Variants in UXS1 observed in about 807,000 individuals in gnomAD.
UXS1 encodes the protein UDP-glucuronic acid decarboxylase 1.
A neutral mutation model predicts 62.6 loss-of-function variants in UXS1; 33 were observed. The observed-to-expected ratio is 0.53, with a 90% confidence interval of 0.40 to 0.70. The LOEUF is 0.70. Among genes scored for constraint, UXS1 ranks in the 30% least tolerant of loss-of-function variants. The pLI, the probability that UXS1 is intolerant of heterozygous loss-of-function variation, is 0.00. For synonymous variants in UXS1, 213 were observed against 206.8 expected, an observed-to-expected ratio of 1.03 and a Z score of -0.26; for missense variants, 434 against 556.3, an observed-to-expected ratio of 0.78 and a Z score of 2.21.
At chr2:106,096,660 C>G in intron 14 of UXS1, 58 bp downstream of exon 14, 5 of 1,458,572 alleles carry the variant, frequency 3.4e-6, no homozygotes, top group South Asian at 1.4e-5. Context: ...TACAGGACAG[C>G]AGACACAGGA....
rs1682022333 is a variant in UXS1 at position 106,151,614 on chromosome 2, T to C, written c.292-6244A>G. ...ATAAATTACCCAGTCTGTGGTAATC[T>C]GTTACAGCGGCACAAAACAAACTAA... is the stretch of plus-strand genomic sequence containing the variant. On this transcript the variant is annotated intron_variant, in intron 5 of 14. Coordinates refer to ENST00000283148, the MANE Select transcript of UXS1 (RefSeq NM_001253875.2). Among the ~76,000 whole-genome samples, 4 of 152,208 alleles carry C rather than the reference T, an allele frequency of 2.6e-5. No homozygotes were observed. In the South Asian group the frequency reaches 8.3e-4, roughly 32 times the overall value.
chr2:106,106,171 C>A (rs928598480), intron 10 of UXS1, among the ~76,000 whole-genome samples: 1 of 152,156 alleles, frequency 6.6e-6, no homozygotes, highest in African/African-American at 2.4e-5. Flanking sequence ...TCGACACCAG[C>A]CTGACCAACA....
chr2:106,192,565 A>G (rs1417236112), intron 1 of UXS1, among the ~76,000 whole-genome samples: 2 of 152,168 alleles, frequency 1.3e-5, no homozygotes, highest in Admixed American at 1.3e-4. Flanking sequence ...CAAAAAAAAA[A>G]AAAAAACTTC....
chr2:106,158,205 T>TCGCAAGA (rs1682601187), intron 4 of UXS1, 87 bp from the exon 5 acceptor site: 1 of 1,175,336 alleles, frequency 8.5e-7, no homozygotes, highest in African/African-American at 1.5e-5. Flanking sequence ...ATGTGCCAGG[T>TCGCAAGA]TTTGGGACTG....
rs1436502796 is a variant in UXS1, at chr2:106,178,202, T to C, written c.95-12119A>G. Among the ~76,000 whole-genome samples the C allele has an allele frequency of 2.0e-5, 3 of 152,316 alleles. No individual in the cohort carries two copies. In the East Asian group the frequency reaches 5.8e-4, roughly 29 times the overall value. ...CCACTGCATCACCATGCCACCTCCTTCCGGGCCCTTCTGTCTATGCCATCC... is the reference window on the plus strand; with the variant it reads ...CCACTGCATCACCATGCCACCTCCTCCCGGGCCCTTCTGTCTATGCCATCC... On this transcript the variant is annotated intron_variant, in intron 1 of 14. Transcript: ENST00000283148.
chr2:106,108,255 A>G (rs1362967582), intron 10 of UXS1, among the ~76,000 whole-genome samples: 1 of 152,210 alleles, frequency 6.6e-6, no homozygotes. Flanking sequence ...TGAAATATTC[A>G]CTGTGTGCGC....
At chr2:106,118,633 C>T (rs900278948) in intron 9 of UXS1, among the ~76,000 whole-genome samples, 22 of 151,740 alleles carry the variant, frequency 1.4e-4, no homozygotes, top group African/African-American at 4.1e-4. Context: ...CTCCATCCCA[C>T]GAAAAAAAAT....
At chr2:106,100,622 C>T (rs116396173) in intron 12 of UXS1, among the ~76,000 whole-genome samples, 3 of 152,156 alleles carry the variant, frequency 2.0e-5, no homozygotes, top group Admixed American at 6.5e-5. Flanking sequence ...GCAGGGAAGG[C>T]GAGAAGCCAT....
intron 6 of UXS1, among the ~76,000 whole-genome samples, chr2:106,130,094 A>C (rs1270943694): frequency 3.9e-5 from 6 of 151,904 alleles, no homozygotes; most frequent in Non-Finnish European, 8.8e-5. Context: ...CAGAAGGAAG[A>C]CTGATTTTTT....
At chr2:106,161,387 G>C (rs1389647519) in intron 4 of UXS1, among the ~76,000 whole-genome samples, 1 of 152,112 alleles carries the variant, frequency 6.6e-6, no homozygotes, top group Non-Finnish European at 1.5e-5. Context: ...ATTACACCGT[G>C]CCTGGCCCAC....
intron 9 of UXS1, among the ~76,000 whole-genome samples, chr2:106,118,997 T>G (rs189108190): frequency 1.2e-3 from 188 of 152,360 alleles, no homozygotes; most frequent in African/African-American, 4.0e-3. Context: ...TCATCCTCCT[T>G]GATTTTATTT....
At position 106,101,024 on chromosome 2, in the gene UXS1, C is replaced by G; in HGVS notation, c.984+34G>C. On this transcript the variant is annotated intron_variant, in intron 12 of 14. Coordinates refer to ENST00000283148, the MANE Select transcript of UXS1 (RefSeq NM_001253875.2). Reference sequence around the variant, plus strand: ...TTTCACAAATGAACGAAAGTCTGAGCTGTCCTGCAGAGTGGAGGGAGAGGA... The same window carrying G: ...TTTCACAAATGAACGAAAGTCTGAGGTGTCCTGCAGAGTGGAGGGAGAGGA... The G allele has an allele frequency of 1.9e-6, 3 of 1,613,232 alleles. No homozygotes were observed. The East Asian group carries it at 6.7e-5, about 36-fold the overall frequency.
At chr2:106,139,176 G>A (rs758697119) in intron 6 of UXS1, among the ~76,000 whole-genome samples, 4 of 152,062 alleles carry the variant, frequency 2.6e-5, no homozygotes, top group African/African-American at 9.7e-5. Context: ...AGTCAAAGGG[G>A]GACAGAAAGG....
chr2:106,127,117 T>C (rs967166106), intron 7 of UXS1, among the ~76,000 whole-genome samples: 2 of 152,224 alleles, frequency 1.3e-5, no homozygotes, highest in East Asian at 1.9e-4. Flanking sequence ...GGGATATATG[T>C]ATGCACTGCC....
At chr2:106,116,518 G>A (rs138293972) in intron 9 of UXS1, among the ~76,000 whole-genome samples, 117 of 152,340 alleles carry the variant, frequency 7.7e-4, no homozygotes, top group Admixed American at 2.5e-3. Context: ...CATGCAAGAT[G>A]ATGCTGCCTG....
chr2:106,123,859 G>A (rs937808453), intron 8 of UXS1, among the ~76,000 whole-genome samples: 13 of 152,114 alleles, frequency 8.5e-5, no homozygotes, highest in African/African-American at 2.7e-4. Context: ...TCTTTGCCAC[G>A]AAATCTGGAC....
At chr2:106,166,722 G>C (rs116252594) in intron 1 of UXS1, among the ~76,000 whole-genome samples, 3 of 109,046 alleles carry the variant, frequency 2.8e-5, no homozygotes, top group Non-Finnish European at 5.4e-5. Context: ...TTTTTTCCAA[G>C]TGACAGATCT....
intron 5 of UXS1, among the ~76,000 whole-genome samples, chr2:106,156,899 CAG>C (rs1682477692): frequency 6.6e-6 from 1 of 152,100 alleles, no homozygotes; most frequent in Admixed American, 6.5e-5. Context: ...ATTCATATAA[CAG>C]ATTATTTGGT....
intron 1 of UXS1, among the ~76,000 whole-genome samples, chr2:106,172,619 C>G (rs571921998): frequency 2.0e-4 from 30 of 151,892 alleles, no homozygotes; most frequent in African/African-American, 7.2e-4. Flanking sequence ...CCATCTCAAC[C>G]GATAAAATCT....
Sources: allele counts gnomAD v4.1 joint callset (sites outside exome capture counted in the v4.1 genomes callset), GRCh38; gene constraint gnomAD v4.1.1; transcripts MANE v1.5; gene names NCBI Gene and HGNC (gene_info 2026-07-23, HGNC 2026-07-21).